PACRG: variants seen among roughly 807,000 people sequenced by gnomAD.
PACRG encodes parkin coregulated gene protein.
Under a neutral mutation model 29.7 loss-of-function variants are expected in PACRG, and 29 were observed. The ratio of observed to expected loss-of-function variants is 0.98; its 90% CI spans 0.73 to 1.33. The LOEUF is 1.33. Among genes scored for constraint, PACRG ranks in the 40% most tolerant of loss-of-function variants. The pLI is 0.00. For missense variants in PACRG, 279 were observed against 316.2 expected (o/e 0.88, Z 0.89); for synonymous variants, 116 against 118.7 (o/e 0.98, Z 0.15).
At chr6:163,141,590 A>G (rs1817153728) in intron 4 of PACRG, among the ~76,000 whole-genome samples, 1 of 152,170 alleles carries the variant, frequency 6.6e-6, no homozygotes, top group East Asian at 1.9e-4. Context: ...ACCTAAAACC[A>G]TGCTAAAAGA....
At chr6:163,039,292 A>G (rs1437363877) in intron 2 of PACRG, among the ~76,000 whole-genome samples, 1 of 152,206 alleles carries the variant, frequency 6.6e-6, no homozygotes, top group Admixed American at 6.5e-5. Context: ...CTGTGAGTCA[A>G]TTAAACCTCT....
At chr6:162,759,143 A>T (rs189925087) in intron 1 of PACRG, among the ~76,000 whole-genome samples, 636 of 152,328 alleles carry the variant, frequency 4.2e-3, no homozygotes, top group African/African-American at 0.015. Context: ...GAACACAGAG[A>T]TATTCAGATG....
chr6:162,842,575 T>G (rs1170183679), intron 2 of PACRG, among the ~76,000 whole-genome samples: 1 of 146,898 alleles, frequency 6.8e-6, no homozygotes, highest in Non-Finnish European at 1.5e-5. Flanking sequence ...GTCTTTTAAT[T>G]GGAGCATTTA....
At chr6:163,129,712 C>T (rs1172907093) in intron 4 of PACRG, among the ~76,000 whole-genome samples, 1 of 151,846 alleles carries the variant, frequency 6.6e-6, no homozygotes, top group African/African-American at 2.4e-5. Flanking sequence ...CCACCTCTTT[C>T]CGACTGTACA....
At chr6:162,835,731 C>T (rs917089465) in intron 2 of PACRG, among the ~76,000 whole-genome samples, 10 of 151,950 alleles carry the variant, frequency 6.6e-5, no homozygotes, top group Non-Finnish European at 1.3e-4. Flanking sequence ...AATTACCTGC[C>T]GTCATCTATA....
At chr6:162,814,947 C>A (rs2128363833) in intron 2 of PACRG, among the ~76,000 whole-genome samples, 1 of 152,304 alleles carries the variant, frequency 6.6e-6, no homozygotes, top group Admixed American at 6.5e-5. Flanking sequence ...GTAAAAGGCT[C>A]ACTGATGTTA....
At chr6:163,300,875 CCA>C (rs1784966694) in intron 4 of PACRG, among the ~76,000 whole-genome samples, 1 of 89,508 alleles carries the variant, frequency 1.1e-5, no homozygotes, top group African/African-American at 6.2e-5. Context: ...CCACTGCTTC[CCA>C]TGAGTTTAGC....
chr6:162,947,884 T>C (rs1799361433), intron 2 of PACRG, among the ~76,000 whole-genome samples: 1 of 151,418 alleles, frequency 6.6e-6, no homozygotes, highest in Admixed American at 6.6e-5. Context: ...TACATAACAC[T>C]GATTTAAAAA....
intron 2 of PACRG, among the ~76,000 whole-genome samples, chr6:162,821,922 A>G (rs561419814): frequency 6.6e-6 from 1 of 152,384 alleles, no homozygotes; most frequent in African/African-American, 2.4e-5. Flanking sequence ...CAACAACAAG[A>G]AAATCATTCT....
At chr6:163,190,740 G>A in intron 4 of PACRG, 1 of 269,016 alleles carries the variant, frequency 3.7e-6, no homozygotes, top group South Asian at 3.9e-5. Flanking sequence ...GGGCAAAAGT[G>A]TAGGGCTCTT....
At chr6:162,731,008 C>T (rs1424357803) in intron 1 of PACRG, among the ~76,000 whole-genome samples, 1 of 152,094 alleles carries the variant, frequency 6.6e-6, no homozygotes, top group Non-Finnish European at 1.5e-5. Context: ...GTTAGAAAAT[C>T]GACCCAGGGT....
In PACRG at chr6:163,307,149, T is replaced by C. The variant is rs73784590; in HGVS notation, c.614-7678T>C. Among the ~76,000 whole-genome samples, 1,421 of 152,328 alleles carry C rather than the reference T, an allele frequency of 9.3e-3. 22 individuals are homozygous for C. Among genetic ancestry groups the C allele is most frequent in the African/African-American group, 0.032 (1,322 of 41,570 alleles). On this transcript the variant is annotated intron_variant, in intron 4 of 4. Transcript: ENST00000366888. ...GACAATTGTTTAGAAATTGTCATTG[T>C]CTATGTGAGGGAAATTTAGATATTG...
intron 4 of PACRG, among the ~76,000 whole-genome samples, chr6:163,218,247 A>G (rs892313501): frequency 6.6e-6 from 1 of 152,204 alleles, no homozygotes; most frequent in Admixed American, 6.5e-5. Context: ...CGTATGATGG[A>G]TACAGCAATC....
chr6:163,200,445 G>T (rs1278505170), intron 4 of PACRG, among the ~76,000 whole-genome samples: 2 of 152,072 alleles, frequency 1.3e-5, no homozygotes, highest in African/African-American at 4.8e-5. Flanking sequence ...TCGCGCAAAG[G>T]CAACAGTACT....
chr6:163,254,102 C>G (rs956470605), intron 4 of PACRG, among the ~76,000 whole-genome samples: 16 of 152,184 alleles, frequency 1.1e-4, no homozygotes, highest in African/African-American at 3.6e-4. Context: ...TCTTGGGCAT[C>G]GGGACAGCAG....
At chr6:163,158,093 C>T (rs766315408) in intron 4 of PACRG, among the ~76,000 whole-genome samples, 19 of 152,152 alleles carry the variant, frequency 1.2e-4, no homozygotes, top group Non-Finnish European at 2.2e-4. Flanking sequence ...GGTGGTAGCA[C>T]TGAGAGAATG....
intron 4 of PACRG, among the ~76,000 whole-genome samples, chr6:163,202,449 A>T (rs1399107544): frequency 6.6e-6 from 1 of 152,170 alleles, no homozygotes; most frequent in Non-Finnish European, 1.5e-5. Flanking sequence ...ATGTATGAGC[A>T]TACATATGTA....
intron 3 of PACRG, among the ~76,000 whole-genome samples, chr6:163,069,285 C>CA (rs11354740): frequency 0.038 from 3,583 of 94,320 alleles, 43 homozygotes; most frequent in African/African-American, 0.05. Flanking sequence ...ATGAACTCAC[C>CA]AAAAAAAAAA....
intron 4 of PACRG, among the ~76,000 whole-genome samples, chr6:163,129,187 A>T (rs376057192): frequency 7.4e-4 from 112 of 152,272 alleles, no homozygotes; most frequent in Admixed American, 1.5e-3. Context: ...ATGGGGGGGA[A>T]GTTGGGGAAG....
Sources: gnomAD v4.1 joint callset for allele counts (sites outside exome capture counted in the v4.1 genomes callset) on GRCh38, gnomAD v4.1.1 for gene constraint, MANE v1.5 for transcripts, NCBI Gene and HGNC (gene_info 2026-07-23, HGNC 2026-07-21) for gene names.